NIPAL2: variants seen among roughly 807,000 people sequenced by gnomAD.
NIPAL2 encodes NIPA-like protein 2.
In NIPAL2, 43 loss-of-function variants were observed where a neutral mutation model predicts 48.9. That is an observed-to-expected ratio of 0.88 (90% CI 0.69 to 1.13). The LOEUF (loss-of-function observed/expected upper bound fraction) is 1.13. NIPAL2 is among the 50% of genes most tolerant of loss of function. NIPAL2 has a pLI of 0.00. For missense variants in NIPAL2, 446 were observed against 461.4 expected (o/e 0.97, Z 0.31); for synonymous variants, 167 against 174.6 (o/e 0.96, Z 0.34).
At chr8:98,216,631 C>T (rs1302363078) in intron 5 of NIPAL2, among the ~76,000 whole-genome samples, 1 of 152,170 alleles carries the variant, frequency 6.6e-6, no homozygotes, top group Non-Finnish European at 1.5e-5. Context: ...CACCAAATGA[C>T]AGGCTTGGCC....
chr8:98,209,021 A>G (rs1050350555), intron 6 of NIPAL2, among the ~76,000 whole-genome samples: 4 of 152,174 alleles, frequency 2.6e-5, no homozygotes, highest in African/African-American at 7.2e-5. Context: ...TCTTGCTGTA[A>G]TGAGAACGCT....
At chr8:98,259,541 A>G (rs998510151) in intron 1 of NIPAL2, among the ~76,000 whole-genome samples, 4 of 152,122 alleles carry the variant, frequency 2.6e-5, no homozygotes, top group African/African-American at 7.2e-5. Flanking sequence ...TCCTCCCTAT[A>G]TCCGTGCCCT....
chr8:98,200,787 T>A (rs1810761769), intron 8 of NIPAL2, among the ~76,000 whole-genome samples: 1 of 152,230 alleles, frequency 6.6e-6, no homozygotes. Flanking sequence ...CACCATTTGT[T>A]GTTTTTTCTT....
At chr8:98,266,501 C>T (rs1320606399) in intron 1 of NIPAL2, among the ~76,000 whole-genome samples, 4 of 146,094 alleles carry the variant, frequency 2.7e-5, no homozygotes, top group African/African-American at 7.6e-5. Context: ...ACTCGGGAGC[C>T]GAGATCATAC....
chr8:98,259,250 T>C (rs2130846340), intron 1 of NIPAL2, among the ~76,000 whole-genome samples: 1 of 151,104 alleles, frequency 6.6e-6, no homozygotes, highest in Non-Finnish European at 1.5e-5. Flanking sequence ...CTAATTTTTG[T>C]ATTTTTAGTA....
At chr8:98,208,631 T>A (rs1322770444) in intron 6 of NIPAL2, among the ~76,000 whole-genome samples, 1 of 152,084 alleles carries the variant, frequency 6.6e-6, no homozygotes, top group African/African-American at 2.4e-5. Flanking sequence ...GTATTTTTAG[T>A]AGAGCTGGGG....
intron 6 of NIPAL2, 69 bp from the exon 7 acceptor site, chr8:98,205,315 T>C: frequency 7.2e-7 from 1 of 1,396,628 alleles, no homozygotes; most frequent in South Asian, 1.3e-5. Context: ...ATCTTAAGCT[T>C]ATGTAGTAGA....
At chr8:98,249,274 T>C (rs1813444732) in intron 3 of NIPAL2, among the ~76,000 whole-genome samples, 1 of 152,178 alleles carries the variant, frequency 6.6e-6, no homozygotes, top group African/African-American at 2.4e-5. Flanking sequence ...TGAATCTACC[T>C]GTAAAACTAA....
rs1472092395 is a variant in NIPAL2 at position 98,294,057 on chromosome 8, C to T, written c.81G>A (p.Gly27=). The T allele has an allele frequency of 6.7e-7, 1 of 1,501,180 alleles. No homozygotes were observed. Among genetic ancestry groups the T allele is most frequent in the Non-Finnish European group, 8.9e-7 (1 of 1,125,790 alleles). The allele number at this position is 1,501,180 out of a possible 1,614,324, so 93.0% of individuals were successfully genotyped here. A position where few individuals can be genotyped will look rare whatever the true frequency, so the allele number is the denominator to read the frequency against. Residue 27 remains glycine, a synonymous_variant, in exon 1 of 11, where the codon GGG becomes GGA. Transcript: ENST00000430223. Reference sequence around the variant, plus strand: ...GGGAGCCGTTGCCGGCGCCTGGTGCCCCGTACGTGAAATTCAGTGACAGCT... The same window carrying T: ...GGGAGCCGTTGCCGGCGCCTGGTGCTCCGTACGTGAAATTCAGTGACAGCT... ...LDELSLNFTY[G]APGAGNGSLS... is the part of the protein sequence containing the mutation.
At chr8:98,268,605 AG>A (rs1245189600) in intron 1 of NIPAL2, among the ~76,000 whole-genome samples, 1 of 149,290 alleles carries the variant, frequency 6.7e-6, no homozygotes, top group East Asian at 2.0e-4. Flanking sequence ...TGGGCAACAG[AG>A]CAAGACTGTC....
intron 3 of NIPAL2, among the ~76,000 whole-genome samples, chr8:98,237,222 T>G (rs113193559): frequency 0.096 from 14,632 of 151,938 alleles, 2,334 homozygotes; most frequent in African/African-American, 0.33. Context: ...TAATTAAAAA[T>G]TTTTTTATTT....
chr8:98,291,558 A>G (rs1344637298), intron 1 of NIPAL2, among the ~76,000 whole-genome samples: 1 of 152,180 alleles, frequency 6.6e-6, no homozygotes, highest in Non-Finnish European at 1.5e-5. Context: ...TTTCCCAAAC[A>G]CCTAATAATA....
At chr8:98,209,300 A>G (rs1185512192) in intron 6 of NIPAL2, among the ~76,000 whole-genome samples, 3 of 152,072 alleles carry the variant, frequency 2.0e-5, no homozygotes, top group African/African-American at 7.2e-5. Context: ...TGTTACAGAG[A>G]AGAACCAGTT....
At chr8:98,245,961 G>T (rs1813288661) in intron 3 of NIPAL2, among the ~76,000 whole-genome samples, 1 of 152,144 alleles carries the variant, frequency 6.6e-6, no homozygotes, top group African/African-American at 2.4e-5. Context: ...CAATGTCCGT[G>T]TGAAGTGACA....
chr8:98,282,509 C>T (rs575872156), intron 1 of NIPAL2, among the ~76,000 whole-genome samples: 2 of 151,896 alleles, frequency 1.3e-5, no homozygotes, highest in South Asian at 2.1e-4. Flanking sequence ...AAAACAGGGT[C>T]CTAAAGAAAC....
intron 6 of NIPAL2, among the ~76,000 whole-genome samples, chr8:98,207,206 C>T (rs1258566149): frequency 6.6e-6 from 1 of 152,206 alleles, no homozygotes; most frequent in Non-Finnish European, 1.5e-5. Context: ...TAAAGGTCAT[C>T]TGATTTAACC....
chr8:98,219,456 G>A (rs1305583204), intron 5 of NIPAL2, among the ~76,000 whole-genome samples: 1 of 152,142 alleles, frequency 6.6e-6, no homozygotes, highest in Non-Finnish European at 1.5e-5. Context: ...AGGAAGCAAG[G>A]AGGACAGAGG....
Position 98,192,955 on chromosome 8 carries a change from C to T in NIPAL2, c.*23G>A, listed in dbSNP as rs375403238. ...TAAAAAGGTGGTATCGAATAACAGGCCAACAGCCATCCTTCTCAGCATTTA... is the reference window on the plus strand; with the variant it reads ...TAAAAAGGTGGTATCGAATAACAGGTCAACAGCCATCCTTCTCAGCATTTA... On this transcript the variant is annotated 3_prime_UTR_variant, in exon 11 of 11. Transcript: ENST00000430223. The T allele has an allele frequency of 1.4e-6, 2 of 1,477,368 alleles. No homozygotes were observed. Among genetic ancestry groups the T allele is most frequent in the African/African-American group, 2.8e-5 (2 of 72,156 alleles). The allele number at this position is 1,477,368 out of a possible 1,614,324, so 91.5% of individuals were successfully genotyped here.
At chr8:98,216,682 G>A (rs879314190) in intron 5 of NIPAL2, among the ~76,000 whole-genome samples, 3 of 152,202 alleles carry the variant, frequency 2.0e-5, no homozygotes, top group Admixed American at 6.5e-5. Context: ...GAGAGAAAAT[G>A]AGCAATGTGC....
Sources: allele counts gnomAD v4.1 joint callset (sites outside exome capture counted in the v4.1 genomes callset), GRCh38; gene constraint gnomAD v4.1.1; transcripts MANE v1.5; gene names NCBI Gene and HGNC (gene_info 2026-07-23, HGNC 2026-07-21).